LOXHD1: variants seen among roughly 807,000 people sequenced by gnomAD.
LOXHD1 encodes lipoxygenase homology PLAT domains 1, also known as lipoxygenase homology domain-containing protein 1.
A neutral mutation model predicts 248.2 loss-of-function variants in LOXHD1; 205 were observed. That is an observed-to-expected ratio of 0.83 (90% CI 0.74 to 0.93). The LOEUF (loss-of-function observed/expected upper bound fraction) is 0.93, where lower values mean the gene tolerates loss of function less well. Among genes scored for constraint, LOXHD1 ranks in the 40% least tolerant of loss-of-function variants. The probability of loss-of-function intolerance (pLI) is 0.00; values close to 1 mark genes in which losing one functional copy is unlikely to be tolerated. For synonymous variants in LOXHD1, 1,113 were observed against 1,162.8 expected (o/e 0.96, Z 0.87); for missense variants, 2,930 against 2,971.6 (o/e 0.99, Z 0.33).
Position 46,657,019 on chromosome 18 carries a change from C to T in LOXHD1, c.15G>A (p.Lys5=). Residue 5 remains lysine (K), a synonymous_variant, in exon 1 of 41, where the codon AAG becomes AAA. Transcript: ENST00000642948. MMPQ[K]KRRRKKDIDF... ...CGATGTCCTTCTTCCTCCGCCTTTT[C>T]TTCTGGGGCATCATTCTGTCGGCTG... 6.4e-7 allele frequency: 1 copy of T among 1,551,680 alleles called. No individual in the cohort carries two copies. Among genetic ancestry groups the T allele is most frequent in the Non-Finnish European group, 8.7e-7 (1 of 1,146,966 alleles).
chr18:46,642,229 G>A (rs146148410), intron 2 of LOXHD1, among the ~76,000 whole-genome samples, 193 bp from the exon 3 acceptor site: 63 of 152,280 alleles, frequency 4.1e-4, no homozygotes, highest in African/African-American at 1.3e-3. Context: ...GTATCATTCC[G>A]TGCCCTCACA....
chr18:46,627,241 G>A (rs2038755281), intron 4 of LOXHD1, among the ~76,000 whole-genome samples: 1 of 152,184 alleles, frequency 6.6e-6, no homozygotes, highest in Non-Finnish European at 1.5e-5. Flanking sequence ...GAGGCTGGAG[G>A]GAAGATTGAG....
chr18:46,559,857 A>G (rs1167138794), intron 19 of LOXHD1, among the ~76,000 whole-genome samples: 7 of 152,212 alleles, frequency 4.6e-5, no homozygotes, highest in Non-Finnish European at 5.9e-5. Flanking sequence ...AAAGTCATCA[A>G]TTCTTCCTGA....
Position 46,563,151 on chromosome 18 carries a change from T to C in LOXHD1, c.2512A>G (p.Ile838Val). The C allele has an allele frequency of 1.9e-6, 3 of 1,543,406 alleles. No homozygotes were observed. The highest frequency in any genetic ancestry group is 2.6e-6 in the Non-Finnish European group (3 of 1,139,956). The change falls in exon 18 of 41, where the codon ATC becomes GTC. Residue 838 changes from isoleucine to valine, a missense_variant. Coordinates refer to ENST00000642948, the MANE Select transcript of LOXHD1 (RefSeq NM_001384474.1). ...AGTSARVYMQ[I>V]YGEKGKTEVL... The stretch of plus-strand genomic sequence containing the variant: ...TCTGTCTTGCCTTTCTCTCCATAGA[T>C]CTGCATGTAGACTCGGGCACTGGTG...
chr18:46,501,031 G>A (rs1445931203), intron 37 of LOXHD1, among the ~76,000 whole-genome samples: 1 of 151,972 alleles, frequency 6.6e-6, no homozygotes, highest in South Asian at 2.1e-4. Context: ...TTGCTAGAAG[G>A]GCATCCAGAT....
intron 35 of LOXHD1, among the ~76,000 whole-genome samples, chr18:46,508,291 C>T (rs1382549935): frequency 1.3e-5 from 2 of 152,176 alleles, no homozygotes; most frequent in African/African-American, 4.8e-5. Flanking sequence ...ATGTTGAATT[C>T]TTAACCCACA....
chr18:46,519,231 A>G, intron 33 of LOXHD1: 1 of 349,254 alleles, frequency 2.9e-6, no homozygotes, highest in Non-Finnish European at 4.0e-6. Flanking sequence ...CGGTTGGGGA[A>G]GGGCCATCTT....
chr18:46,610,984 C>G (rs779050553), intron 5 of LOXHD1, 60 bp from the exon 6 acceptor site: 2 of 1,533,392 alleles, frequency 1.3e-6, no homozygotes, highest in Non-Finnish European at 1.8e-6. Context: ...AATTTCCAAG[C>G]CTTCATGGTC....
chr18:46,517,636 C>T (rs2035329820), intron 34 of LOXHD1, among the ~76,000 whole-genome samples: 1 of 152,108 alleles, frequency 6.6e-6, no homozygotes, highest in Non-Finnish European at 1.5e-5. Flanking sequence ...GTGCCTGAGT[C>T]AGTGCCTGGC....
intron 20 of LOXHD1, among the ~76,000 whole-genome samples, chr18:46,558,697 T>C (rs2037435974): frequency 6.6e-6 from 1 of 152,028 alleles, no homozygotes; most frequent in South Asian, 2.1e-4. Flanking sequence ...AAGGGTGAGA[T>C]AAGAGATAGT....
At chr18:46,505,382 A>T (rs2034495249) in intron 37 of LOXHD1, among the ~76,000 whole-genome samples, 1 of 151,982 alleles carries the variant, frequency 6.6e-6, no homozygotes, top group South Asian at 2.1e-4. Flanking sequence ...GGATCTCACA[A>T]TGTTGTTTAG....
chr18:46,563,060 C>T lies in LOXHD1; in HGVS notation c.2598+5G>A. 3.9e-6 allele frequency: 6 copies of T among 1,536,430 alleles called. No individual in the cohort carries two copies. The highest frequency in any genetic ancestry group is 3.5e-6 in the Non-Finnish European group (4 of 1,134,404). On this transcript the variant is annotated splice_donor_5th_base_variant and intron_variant, in intron 18 of 40. Transcript: ENST00000642948. The stretch of plus-strand genomic sequence containing the variant: ...TTGGCACCCCCGCTCCTCGACCCCA[C>T]ATACCTGGAATGTGTCCTTGGACGC...
intron 17 of LOXHD1, among the ~76,000 whole-genome samples, chr18:46,564,116 G>A (rs1223135704): frequency 6.6e-6 from 1 of 151,530 alleles, no homozygotes; most frequent in African/African-American, 2.4e-5. Context: ...GTGTGTGTGT[G>A]TGCACGCACA....
intron 33 of LOXHD1, 34 bp downstream of exon 33, chr18:46,521,063 G>C (rs748617171): frequency 5.6e-5 from 86 of 1,546,190 alleles, no homozygotes; most frequent in Admixed American, 2.0e-5. Context: ...CACTGCCCTG[G>C]CCATGCACTG....
chr18:46,641,701 T>C (rs2038964863), intron 3 of LOXHD1, among the ~76,000 whole-genome samples: 1 of 152,164 alleles, frequency 6.6e-6, no homozygotes, highest in South Asian at 2.1e-4. Context: ...CCCTAACCAC[T>C]ATGCTATAAT....
intron 3 of LOXHD1, 128 bp from the exon 4 acceptor site, chr18:46,639,928 C>T: frequency 3.4e-6 from 4 of 1,177,754 alleles, no homozygotes; most frequent in Non-Finnish European, 3.6e-6. Flanking sequence ...TACTTTATCT[C>T]CTGAACCTCG....
chr18:46,636,434 A>T (rs7234271), intron 4 of LOXHD1, among the ~76,000 whole-genome samples: 12,855 of 152,214 alleles, frequency 0.084, 631 homozygotes, highest in African/African-American at 0.13. Context: ...ACACCTGGAA[A>T]CCTGATCAAG....
At chr18:46,482,995 G>A (rs541205315) in intron 40 of LOXHD1, among the ~76,000 whole-genome samples, 42 of 152,288 alleles carry the variant, frequency 2.8e-4, no homozygotes, top group African/African-American at 9.6e-4. Flanking sequence ...GTTACCAAGG[G>A]GTTTTAATTA....
chr18:46,481,513 T>A (rs2032568220), intron 40 of LOXHD1, among the ~76,000 whole-genome samples: 1 of 152,274 alleles, frequency 6.6e-6, no homozygotes, highest in Admixed American at 6.5e-5. Context: ...CTATAGAGCA[T>A]CCAGCTCTCC....
Sources: allele counts gnomAD v4.1 joint callset (sites outside exome capture counted in the v4.1 genomes callset), GRCh38; gene constraint gnomAD v4.1.1; transcripts MANE v1.5; gene names NCBI Gene and HGNC (gene_info 2026-07-23, HGNC 2026-07-21).